Variants in HSDL1 observed in about 807,000 individuals in gnomAD.
HSDL1 encodes the protein inactive hydroxysteroid dehydrogenase-like protein 1.
HSDL1 carries 29 observed loss-of-function variants against 31.5 expected under a neutral mutation model. The ratio of observed to expected loss-of-function variants is 0.92; its 90% CI spans 0.69 to 1.26. The LOEUF is 1.26. Among genes scored for constraint, HSDL1 ranks in the 50% most tolerant of loss-of-function variants. HSDL1 has a pLI of 0.00. For synonymous variants in HSDL1, 222 were observed against 155.2 expected (o/e 1.43, Z -3.20); for missense variants, 503 against 416.6 (o/e 1.21, Z -1.81).
At chr16:84,134,910 G>A (rs1019277936) in intron 2 of HSDL1, among the ~76,000 whole-genome samples, 1 of 152,146 alleles carries the variant, frequency 6.6e-6, no homozygotes, top group African/African-American at 2.4e-5. Flanking sequence ...CATACATCTA[G>A]GCTGTTAAAA....
At chr16:84,143,293 ATAC>A (rs1567526072) in intron 1 of HSDL1, among the ~76,000 whole-genome samples, 1 of 152,264 alleles carries the variant, frequency 6.6e-6, no homozygotes, top group African/African-American at 2.4e-5. Context: ...GTACTGATAC[ATAC>A]TACAACATGG....
Position 84,122,237 on chromosome 16 carries a change from C to A in HSDL1, c.*2393G>T, listed in dbSNP as rs186800236. On this transcript the variant is annotated 3_prime_UTR_variant, in exon 6 of 6. Transcript: ENST00000219439. Reference sequence around the variant, plus strand: ...CCTAAGAAAAAAAAATTCTCTCATTCCAAATTACAAACAACCAAATTACAA... The same window carrying A: ...CCTAAGAAAAAAAAATTCTCTCATTACAAATTACAAACAACCAAATTACAA... 1.2e-3 allele frequency: 179 copies of A among 152,558 alleles called. No individual in the cohort carries two copies. Among genetic ancestry groups the A allele is most frequent in the Non-Finnish European group, 1.1e-3 (72 of 68,036 alleles). The allele number at this position is 152,558 out of a possible 1,614,324, so 9.5% of individuals were successfully genotyped here.
chr16:84,143,502 A>G (rs2086790802), intron 1 of HSDL1, among the ~76,000 whole-genome samples: 4 of 152,156 alleles, frequency 2.6e-5, no homozygotes, highest in African/African-American at 2.4e-5. Flanking sequence ...AGGTGATTAA[A>G]TGTTCTGGAA....
At chr16:84,144,041 C>T (rs942422011) in intron 1 of HSDL1, among the ~76,000 whole-genome samples, 17 of 141,666 alleles carry the variant, frequency 1.2e-4, no homozygotes, top group African/African-American at 3.6e-4. Flanking sequence ...CAACACCCTC[C>T]CCCTCCCCCT....
Position 84,124,367 on chromosome 16 carries a change from AC to A in HSDL1, c.*262del. ...GGCTCTAGAACAACAGAAAAGCGTAACTTTCAAACAGCTTAGGGAAAAAGCA... is the reference window on the plus strand; with the variant it reads ...GGCTCTAGAACAACAGAAAAGCGTAATTTCAAACAGCTTAGGGAAAAAGCA... On this transcript the variant is annotated 3_prime_UTR_variant, in exon 6 of 6. Transcript: ENST00000219439. 1 of 290,346 alleles carries A rather than the reference AC, an allele frequency of 3.4e-6. No homozygotes were observed. Among genetic ancestry groups the A allele is most frequent in the Non-Finnish European group, 6.6e-6 (1 of 151,222 alleles). 18.0% of individuals were successfully genotyped at this position (290,346 alleles called of 1,614,324 possible).
intron 3 of HSDL1, 195 bp downstream of exon 3, chr16:84,130,907 T>C: frequency 1.7e-6 from 1 of 586,654 alleles, no homozygotes; most frequent in Non-Finnish European, 3.0e-6. Context: ...ATAGGAAGGA[T>C]ACCAATCATG....
Position 84,124,625 on chromosome 16 carries a change from C to A in HSDL1, c.*5G>T. The A allele has an allele frequency of 5.0e-6, 8 of 1,603,246 alleles. No homozygotes were observed. Among genetic ancestry groups the A allele is most frequent in the Non-Finnish European group, 6.8e-6 (8 of 1,170,226 alleles). ...TGGCAAAACTTCTCAAGTGGCCATC[C>A]AGACTCAGGCTGTGCAGGATAAGGC... On this transcript the variant is annotated 3_prime_UTR_variant, in exon 6 of 6. Coordinates refer to ENST00000219439, the MANE Select transcript of HSDL1 (RefSeq NM_031463.5).
chr16:84,136,660 G>A (rs967035243), intron 1 of HSDL1, among the ~76,000 whole-genome samples: 2 of 152,262 alleles, frequency 1.3e-5, no homozygotes, highest in African/African-American at 4.8e-5. Context: ...CTGGGGCTGA[G>A]GGGCTTCAAG....
intron 1 of HSDL1, 30 bp from the exon 2 acceptor site, chr16:84,135,635 C>G (rs186303087): frequency 6.6e-6 from 1 of 152,354 alleles, no homozygotes; most frequent in East Asian, 1.9e-4. Flanking sequence ...GAAACAAATG[C>G]CTTTCCTCTT....
chr16:84,134,920 A>G (rs1305190583), intron 2 of HSDL1, among the ~76,000 whole-genome samples: 1 of 152,184 alleles, frequency 6.6e-6, no homozygotes, highest in African/African-American at 2.4e-5. Flanking sequence ...GGCTGTTAAA[A>G]CAGTGTTTTC....
chr16:84,129,711 T>G lies in HSDL1; in HGVS notation c.731A>C (p.Gln244Pro). ...YEYASKGIFV[Q>P]SLIPFYVATS... is the part of the protein sequence containing the mutation. The stretch of plus-strand genomic sequence containing the variant: ...GGCTACATAGAAAGGGATTAGACTC[T>G]GTACAAAGATTCCTTTAGAGGCATA... The change falls in exon 5 of 6, where the codon CAG (glutamine) becomes CCG (proline). Residue 244 changes from glutamine to proline, a missense_variant. Coordinates refer to ENST00000219439, the MANE Select transcript of HSDL1 (RefSeq NM_031463.5). 6.2e-7 allele frequency: 1 copy of G among 1,614,228 alleles called. No individual in the cohort carries two copies. Among genetic ancestry groups the G allele is most frequent in the Non-Finnish European group, 8.5e-7 (1 of 1,180,026 alleles).
chr16:84,133,098 A>G (rs934102990), intron 2 of HSDL1, among the ~76,000 whole-genome samples: 2 of 152,024 alleles, frequency 1.3e-5, no homozygotes, highest in African/African-American at 4.8e-5. Flanking sequence ...ATCTGAGCTC[A>G]ACAAAGTTTT....
intron 1 of HSDL1, among the ~76,000 whole-genome samples, chr16:84,135,878 T>C (rs2086707443): frequency 6.6e-6 from 1 of 152,210 alleles, no homozygotes; most frequent in African/African-American, 2.4e-5. Flanking sequence ...CCTTTTTTCC[T>C]AGGGAACATT....
At chr16:84,141,090 C>CAAAAAAAAAAAA (rs553224060) in intron 1 of HSDL1, among the ~76,000 whole-genome samples, 2 of 136,152 alleles carry the variant, frequency 1.5e-5, no homozygotes, top group African/African-American at 7.3e-5. Flanking sequence ...GACTCCGTCT[C>CAAAAAAAAAAAA]AAACAAAAAA....
chr16:84,126,575 G>A (rs1384166625), intron 5 of HSDL1, among the ~76,000 whole-genome samples: 1 of 152,212 alleles, frequency 6.6e-6, no homozygotes, highest in Non-Finnish European at 1.5e-5. Flanking sequence ...AGAACCGAAT[G>A]AAAGTTCTAA....
rs1285692101 is a variant in HSDL1, at chr16:84,123,362, T to A, written c.*1268A>T. Reference sequence around the variant, plus strand: ...ACAATGCCGAGCTCTGAATTTTAAATGTGCACATATTGTCATATTCATATA... The same window carrying A: ...ACAATGCCGAGCTCTGAATTTTAAAAGTGCACATATTGTCATATTCATATA... On this transcript the variant is annotated 3_prime_UTR_variant, in exon 6 of 6. Transcript: ENST00000219439. The A allele has an allele frequency of 6.6e-6, 1 of 152,230 alleles. No homozygotes were observed. The highest frequency in any genetic ancestry group is 1.5e-5 in the Non-Finnish European group (1 of 68,040). The allele number at this position is 152,230 out of a possible 1,614,324, so 9.4% of individuals were successfully genotyped here.
chr16:84,143,111 A>G (rs2086783829), intron 1 of HSDL1, among the ~76,000 whole-genome samples: 1 of 152,244 alleles, frequency 6.6e-6, no homozygotes, highest in Admixed American at 6.5e-5. Context: ...GATACCCAAG[A>G]TAATTAGAAA....
chr16:84,134,157 C>G (rs1345813378), intron 2 of HSDL1, among the ~76,000 whole-genome samples: 1 of 152,102 alleles, frequency 6.6e-6, no homozygotes, highest in Non-Finnish European at 1.5e-5. Context: ...GTTTCCAGAT[C>G]TGCATGAGAG....
chr16:84,140,899 C>G (rs1193191924), intron 1 of HSDL1, among the ~76,000 whole-genome samples: 1 of 151,918 alleles, frequency 6.6e-6, no homozygotes, highest in African/African-American at 2.4e-5. Context: ...GTCAGGAGAT[C>G]GAGACCACGG....
Sources: allele counts gnomAD v4.1 joint callset (sites outside exome capture counted in the v4.1 genomes callset), GRCh38; gene constraint gnomAD v4.1.1; transcripts MANE v1.5; gene names NCBI Gene and HGNC (gene_info 2026-07-23, HGNC 2026-07-21).